The following DPP10 variants were observed in gnomAD, a reference collection of about 807,000 sequenced individuals.
DPP10 encodes the protein inactive dipeptidyl peptidase 10.
DPP10 carries 33 observed loss-of-function variants against 120.9 expected under a neutral mutation model. The observed-to-expected ratio is 0.27, with a 90% confidence interval of 0.21 to 0.37. The LOEUF is 0.37. Among genes scored for constraint, DPP10 ranks in the 10% least tolerant of loss-of-function variants. DPP10 has a pLI of 1.00. For synonymous variants in DPP10, 337 were observed against 326.1 expected, an observed-to-expected ratio of 1.03 and a Z score of -0.36; for missense variants, 816 against 942.8, an observed-to-expected ratio of 0.87 and a Z score of 1.76.
At chr2:115,373,701 T>C (rs191020442) in intron 3 of DPP10, among the ~76,000 whole-genome samples, 5 of 152,178 alleles carry the variant, frequency 3.3e-5, no homozygotes. Flanking sequence ...TTACTAGTTG[T>C]ATTCATCCAT....
chr2:115,250,064 A>T (rs1463638916), intron 1 of DPP10, among the ~76,000 whole-genome samples: 4 of 151,616 alleles, frequency 2.6e-5, no homozygotes, highest in Non-Finnish European at 5.9e-5. Context: ...ACATTAGGCT[A>T]TTTTTTTTCT....
At chr2:114,834,957 C>CCATATCTACACACCTATGTATATAAAAGA (rs1558791984) in intron 1 of DPP10, among the ~76,000 whole-genome samples, 1 of 137,148 alleles carries the variant, frequency 7.3e-6, no homozygotes. Flanking sequence ...TATATATAAG[C>CCATATCTACACACCTATGTATATAAAAGA]CATATCTACA....
chr2:115,345,366 AT>A (rs1349206886), intron 3 of DPP10, among the ~76,000 whole-genome samples: 1 of 152,206 alleles, frequency 6.6e-6, no homozygotes, highest in Non-Finnish European at 1.5e-5. Context: ...TAAAAAAGAT[AT>A]ATTATCACAA....
chr2:114,822,594 G>A (rs1233258985), intron 1 of DPP10, among the ~76,000 whole-genome samples: 2 of 152,040 alleles, frequency 1.3e-5, no homozygotes, highest in Non-Finnish European at 2.9e-5. Context: ...GCATTGCCAG[G>A]CTGCAAATTT....
At chr2:115,255,126 T>C (rs2058926607) in intron 1 of DPP10, among the ~76,000 whole-genome samples, 1 of 152,232 alleles carries the variant, frequency 6.6e-6, no homozygotes, top group African/African-American at 2.4e-5. Flanking sequence ...TACCTCTGCC[T>C]GGACACCAGG....
At chr2:115,562,385 C>T (rs1248695903) in intron 5 of DPP10, among the ~76,000 whole-genome samples, 2 of 152,156 alleles carry the variant, frequency 1.3e-5, no homozygotes, top group Non-Finnish European at 2.9e-5. Context: ...TTCACCCTAA[C>T]TCAGATGATC....
chr2:114,453,793 G>T (rs560411702), intron 1 of DPP10, among the ~76,000 whole-genome samples: 1 of 152,044 alleles, frequency 6.6e-6, no homozygotes, highest in Non-Finnish European at 1.5e-5. Context: ...ATACTAAATG[G>T]CTTCATTTTA....
At chr2:114,710,491 T>A (rs1305926960) in intron 1 of DPP10, among the ~76,000 whole-genome samples, 1 of 152,222 alleles carries the variant, frequency 6.6e-6, no homozygotes, top group African/African-American at 2.4e-5. Flanking sequence ...ATGCCTGTAA[T>A]CCCAGCAATC....
At chr2:114,580,257 T>C (rs1690389913) in intron 1 of DPP10, among the ~76,000 whole-genome samples, 1 of 152,316 alleles carries the variant, frequency 6.6e-6, no homozygotes, top group Middle Eastern at 3.4e-3. Context: ...GTTTGACTGA[T>C]TAATTGTAAT....
At chr2:114,955,850 T>A (rs1017844703) in intron 1 of DPP10, among the ~76,000 whole-genome samples, 2 of 152,236 alleles carry the variant, frequency 1.3e-5, no homozygotes, top group African/African-American at 2.4e-5. Context: ...AGCTATATGA[T>A]CATTTCAATA....
chr2:115,453,346 A>G (rs1374282704), intron 3 of DPP10, among the ~76,000 whole-genome samples: 1 of 151,482 alleles, frequency 6.6e-6, no homozygotes, highest in African/African-American at 2.4e-5. Context: ...TATTCTATAA[A>G]TTAGAAAATT....
chr2:115,639,401 G>T (rs996127846), intron 5 of DPP10, among the ~76,000 whole-genome samples: 1 of 152,182 alleles, frequency 6.6e-6, no homozygotes, highest in African/African-American at 2.4e-5. Context: ...TTAGGAAGTA[G>T]AAATTAGAGT....
intron 1 of DPP10, among the ~76,000 whole-genome samples, chr2:114,689,736 T>G (rs1304606739): frequency 1.3e-5 from 2 of 151,956 alleles, no homozygotes; most frequent in East Asian, 3.9e-4. Context: ...GCAACCTCAC[T>G]AGCATTTGTT....
chr2:115,117,576 C>G (rs1225308633), intron 1 of DPP10, among the ~76,000 whole-genome samples: 1 of 152,166 alleles, frequency 6.6e-6, no homozygotes, highest in Non-Finnish European at 1.5e-5. Flanking sequence ...CCACTGCACT[C>G]CCGCCTGGGT....
intron 1 of DPP10, among the ~76,000 whole-genome samples, chr2:115,277,447 CTTTTTTTTTTTTTTTT>C (rs70941038): frequency 2.6e-4 from 13 of 49,744 alleles, no homozygotes; most frequent in African/African-American, 3.1e-4. Flanking sequence ...CTGCCAGGGC[CTTTTTTTTTTTTTTTT>C]TTTTTTTTTT....
intron 1 of DPP10, among the ~76,000 whole-genome samples, chr2:114,680,622 G>A (rs1408417775): frequency 2.0e-5 from 3 of 151,972 alleles, no homozygotes; most frequent in African/African-American, 7.2e-5. Context: ...GGAGACCTAC[G>A]AATATAGTGA....
At chr2:115,507,689 G>A (rs2077019544) in intron 4 of DPP10, among the ~76,000 whole-genome samples, 1 of 152,104 alleles carries the variant, frequency 6.6e-6, no homozygotes, top group African/African-American at 2.4e-5. Context: ...GTAGGTCAAG[G>A]TTTTATTTTG....
intron 3 of DPP10, among the ~76,000 whole-genome samples, chr2:115,398,469 T>C (rs1429861743): frequency 1.3e-5 from 2 of 152,098 alleles, no homozygotes; most frequent in African/African-American, 4.8e-5. Flanking sequence ...GTTTTGGTAA[T>C]TATTGTTCTT....
chr2:115,565,087 C>G (rs2149065746), intron 5 of DPP10, among the ~76,000 whole-genome samples: 1 of 152,204 alleles, frequency 6.6e-6, no homozygotes. Flanking sequence ...GCAGAGAATT[C>G]TCTCCTACCT....
Sources: allele counts gnomAD v4.1 joint callset (sites outside exome capture counted in the v4.1 genomes callset), GRCh38; gene constraint gnomAD v4.1.1; transcripts MANE v1.5; gene names NCBI Gene and HGNC (gene_info 2026-07-23, HGNC 2026-07-21).